MBOAT1: variants seen among roughly 807,000 people sequenced by gnomAD.
The protein encoded by MBOAT1 is membrane bound glycerophospholipid O-acyltransferase 1.
Under a neutral mutation model 64.4 loss-of-function variants are expected in MBOAT1, and 67 were observed. That is an observed-to-expected ratio of 1.04 (90% CI 0.85 to 1.27). The LOEUF (loss-of-function observed/expected upper bound fraction) is 1.27, where lower values mean the gene tolerates loss of function less well. Among genes scored for constraint, MBOAT1 ranks in the 50% most tolerant of loss-of-function variants. The probability of loss-of-function intolerance (pLI) is 0.00; values close to 1 mark genes in which losing one functional copy is unlikely to be tolerated. For synonymous variants in MBOAT1, 229 were observed against 218.9 expected (o/e 1.05, Z -0.41); for missense variants, 563 against 604.6 (o/e 0.93, Z 0.72).
At chr6:20,189,181 A>G (rs1561782253) in intron 1 of MBOAT1, among the ~76,000 whole-genome samples, 1 of 152,206 alleles carries the variant, frequency 6.6e-6, no homozygotes, top group Non-Finnish European at 1.5e-5. Flanking sequence ...TTTGAGACTC[A>G]TCTACCATTT....
At chr6:20,123,931 G>A (rs1355520701) in intron 8 of MBOAT1, among the ~76,000 whole-genome samples, 3 of 152,120 alleles carry the variant, frequency 2.0e-5, no homozygotes, top group East Asian at 1.9e-4. Context: ...GGTGGCGGAC[G>A]CCTGTAGTCC....
At position 20,109,600 on chromosome 6, in the gene MBOAT1, G is replaced by T. The variant is rs1760061399; in HGVS notation, c.1359C>A (p.Tyr453Ter). 1.2e-6 allele frequency: 2 copies of T among 1,611,454 alleles called. No homozygotes were observed. The highest frequency in any genetic ancestry group is 1.7e-6 in the Non-Finnish European group (2 of 1,178,334). ...AACTGAGAACAACGGAAACTTACTTGTATAAGCTGATGGTCGGTTCAACTG... is the reference window on the plus strand; with the variant it reads ...AACTGAGAACAACGGAAACTTACTTTTATAAGCTGATGGTCGGTTCAACTG... ...MLAVEPTISLYKSMYFYLHII... is the reference protein window; with the variant it reads ...MLAVEPTISL The change falls in exon 12 of 13, where the codon TAC (tyrosine) becomes TAA (stop). Residue 453 changes from tyrosine (Y) to a stop codon, truncating the protein, a stop_gained and splice_region_variant. Transcript: ENST00000324607. LOFTEE classifies it high-confidence loss of function.
At chr6:20,209,561 A>G (rs9350223) in intron 1 of MBOAT1, among the ~76,000 whole-genome samples, 112,126 of 152,128 alleles carry the variant, frequency 0.74, 41,801 homozygotes, top group East Asian at 0.89. Context: ...AAAGACATTC[A>G]CAGGAGTGCA....
chr6:20,183,343 G>A (rs1485285453), intron 1 of MBOAT1, among the ~76,000 whole-genome samples: 1 of 152,150 alleles, frequency 6.6e-6, no homozygotes, highest in Non-Finnish European at 1.5e-5. Flanking sequence ...AGGTGAGCAG[G>A]TGCCACAACC....
intron 8 of MBOAT1, among the ~76,000 whole-genome samples, chr6:20,121,467 G>T (rs565224749): frequency 5.3e-5 from 8 of 152,190 alleles, no homozygotes; most frequent in African/African-American, 1.9e-4. Flanking sequence ...GCATGGGGGG[G>T]AGTAAAAGAG....
chr6:20,181,269 C>T (rs1004094457), intron 1 of MBOAT1, among the ~76,000 whole-genome samples: 2 of 152,184 alleles, frequency 1.3e-5, no homozygotes, highest in Admixed American at 6.5e-5. Flanking sequence ...GCCAGAGCAT[C>T]TCAGGAAGGA....
intron 12 of MBOAT1, among the ~76,000 whole-genome samples, chr6:20,106,311 G>A (rs868441117): frequency 3.3e-5 from 5 of 152,158 alleles, no homozygotes; most frequent in African/African-American, 7.2e-5. Context: ...CAATAAAATC[G>A]AAAATTCAGT....
chr6:20,199,161 C>T (rs546066039), intron 1 of MBOAT1, among the ~76,000 whole-genome samples: 3 of 152,322 alleles, frequency 2.0e-5, no homozygotes, highest in Middle Eastern at 3.4e-3. Flanking sequence ...GTGCTGGAGT[C>T]TCACAGCCTA....
At chr6:20,150,303 A>G (rs1761452858) in intron 3 of MBOAT1, among the ~76,000 whole-genome samples, 1 of 152,146 alleles carries the variant, frequency 6.6e-6, no homozygotes, top group Non-Finnish European at 1.5e-5. Flanking sequence ...TTTGATATAT[A>G]TAGATACCCA....
At chr6:20,157,972 A>G (rs933015687) in intron 1 of MBOAT1, among the ~76,000 whole-genome samples, 3 of 152,046 alleles carry the variant, frequency 2.0e-5, no homozygotes, top group African/African-American at 7.2e-5. Flanking sequence ...CCTGGCCAAC[A>G]TGACGAAACC....
At chr6:20,149,541 T>C (rs1040239559) in intron 3 of MBOAT1, among the ~76,000 whole-genome samples, 1 of 152,176 alleles carries the variant, frequency 6.6e-6, no homozygotes. Flanking sequence ...GCTTTTATAA[T>C]CATTTTGTCA....
rs76487797 is a variant in MBOAT1, at chr6:20,134,298, A to G, written c.420-3099T>C. Among the ~76,000 whole-genome samples, 527 of 152,218 alleles carry G rather than the reference A, an allele frequency of 3.5e-3. 1 individual carries two copies. The highest frequency in any genetic ancestry group is 0.012 in the African/African-American group (482 of 41,530). On this transcript the variant is annotated intron_variant, in intron 4 of 12. Transcript: ENST00000324607. ...AGCTAGAGCAAAGTCAATAAATACT[A>G]ATTATTCAATATAAAATCTGTACCA... is the stretch of plus-strand genomic sequence containing the variant.
intron 6 of MBOAT1, among the ~76,000 whole-genome samples, chr6:20,128,089 G>A (rs114258800): frequency 0.057 from 8,537 of 150,200 alleles, 308 homozygotes; most frequent in South Asian, 0.13. Flanking sequence ...GGAACCCCCC[G>A]CCCCTCCACC....
chr6:20,156,677 G>A (rs147065900), intron 1 of MBOAT1, among the ~76,000 whole-genome samples: 2 of 152,334 alleles, frequency 1.3e-5, no homozygotes, highest in East Asian at 3.9e-4. Context: ...TATTCACAGA[G>A]ATGTGAAAAC....
chr6:20,140,888 C>T (rs568599535), intron 4 of MBOAT1, among the ~76,000 whole-genome samples: 51 of 152,244 alleles, frequency 3.3e-4, no homozygotes, highest in Admixed American at 2.5e-3. Flanking sequence ...ACTAGCTAAA[C>T]GTATGACACA....
intron 1 of MBOAT1, among the ~76,000 whole-genome samples, chr6:20,205,520 C>T (rs903423685): frequency 6.6e-6 from 1 of 152,140 alleles, no homozygotes; most frequent in Non-Finnish European, 1.5e-5. Context: ...CTTCAATTAT[C>T]GTCAAATCTA....
At chr6:20,154,619 A>T (rs1393054176) in intron 1 of MBOAT1, among the ~76,000 whole-genome samples, 2 of 152,188 alleles carry the variant, frequency 1.3e-5, no homozygotes, top group Non-Finnish European at 2.9e-5. Flanking sequence ...ACCTGTTCTC[A>T]CCACTGCCCA....
At chr6:20,112,803 G>T in intron 11 of MBOAT1, 73 bp downstream of exon 11, 1 of 1,523,462 alleles carries the variant, frequency 6.6e-7, no homozygotes, top group Non-Finnish European at 8.9e-7. Context: ...ACCCCTACTA[G>T]GACCCAACAG....
rs142100527 is a variant in MBOAT1, at chr6:20,172,048, A to G, written c.100-19279T>C. 3.3e-3 allele frequency among the ~76,000 whole-genome samples: 491 copies of G among 149,256 alleles called. 3 individuals are homozygous for G. Among genetic ancestry groups the G allele is most frequent in the Non-Finnish European group, 5.4e-3 (354 of 65,878 alleles). On this transcript the variant is annotated intron_variant, in intron 1 of 12. Transcript: ENST00000324607. Reference sequence around the variant, plus strand: ...ATTCTGTCTCTAAAAAAACAAAAACAAAAACAAAAACAAACAAGAAGAAGA... The same window carrying G: ...ATTCTGTCTCTAAAAAAACAAAAACGAAAACAAAAACAAACAAGAAGAAGA...
Sources: allele counts gnomAD v4.1 joint callset (sites outside exome capture counted in the v4.1 genomes callset), GRCh38; gene constraint gnomAD v4.1.1; transcripts MANE v1.5; gene names NCBI Gene and HGNC (gene_info 2026-07-23, HGNC 2026-07-21).